ME3: variants seen among roughly 807,000 people sequenced by gnomAD.
ME3 encodes the protein NADP-dependent malic enzyme, mitochondrial.
Under a neutral mutation model 68.9 loss-of-function variants are expected in ME3, and 48 were observed. The observed-to-expected ratio is 0.70, with a 90% CI of 0.55 to 0.89. The LOEUF (loss-of-function observed/expected upper bound fraction) is 0.89, where lower values mean the gene tolerates loss of function less well. Ranked by LOEUF, ME3 falls within the 40% of genes least tolerant of loss-of-function variation. The pLI, the probability that ME3 is intolerant of heterozygous loss-of-function variation, is 0.00. For missense variants in ME3, 675 were observed against 797.4 expected (o/e 0.85, Z 1.85); for synonymous variants, 320 against 318.8 (o/e 1.00, Z -0.04).
At chr11:86,669,359 A>T (rs978199290) in intron 2 of ME3, among the ~76,000 whole-genome samples, 1 of 152,322 alleles carries the variant, frequency 6.6e-6, no homozygotes, top group Admixed American at 6.5e-5. Flanking sequence ...TAACACCTGT[A>T]TTAGTCTGGT....
intron 2 of ME3, among the ~76,000 whole-genome samples, chr11:86,631,004 G>T (rs1943978998): frequency 1.3e-5 from 2 of 152,234 alleles, no homozygotes; most frequent in Non-Finnish European, 1.5e-5. Flanking sequence ...GGACATAAAT[G>T]GGGGAGGACT....
chr11:86,580,178 C>T (rs991279419), intron 2 of ME3, among the ~76,000 whole-genome samples: 4 of 152,164 alleles, frequency 2.6e-5, no homozygotes, highest in African/African-American at 9.7e-5. Context: ...GGAAAGGTCA[C>T]TGGAATTCCT....
chr11:86,598,962 A>G (rs1413198088), intron 2 of ME3, among the ~76,000 whole-genome samples: 2 of 152,226 alleles, frequency 1.3e-5, no homozygotes, highest in African/African-American at 4.8e-5. Flanking sequence ...CATCACCATC[A>G]TCAAAGACAA....
At chr11:86,615,091 G>C (rs979129716) in intron 2 of ME3, among the ~76,000 whole-genome samples, 1 of 152,074 alleles carries the variant, frequency 6.6e-6, no homozygotes, top group Non-Finnish European at 1.5e-5. Context: ...GGTCCTTTTG[G>C]ACATTTTTTT....
chr11:86,487,785 C>T (rs532374873), intron 6 of ME3, among the ~76,000 whole-genome samples: 2 of 152,310 alleles, frequency 1.3e-5, no homozygotes, highest in African/African-American at 4.8e-5. Flanking sequence ...TGGGATAATT[C>T]TTTAACGTGA....
chr11:86,669,133 C>T (rs1256716550), intron 2 of ME3, among the ~76,000 whole-genome samples: 1 of 152,084 alleles, frequency 6.6e-6, no homozygotes, highest in Non-Finnish European at 1.5e-5. Context: ...GGGTGGCACT[C>T]CAGTGGGAAG....
intron 2 of ME3, among the ~76,000 whole-genome samples, chr11:86,656,386 T>C (rs1357745721): frequency 2.0e-5 from 3 of 151,888 alleles, no homozygotes; most frequent in Non-Finnish European, 4.4e-5. Flanking sequence ...TAAGAAAATG[T>C]GGCACATATA....
chr11:86,621,339 T>C (rs593450), intron 2 of ME3, among the ~76,000 whole-genome samples: 152,172 of 152,174 alleles, frequency 1, 76,085 homozygotes, highest in Non-Finnish European at 1. Flanking sequence ...GATTTAAGAA[T>C]AATTAAGGTC....
chr11:86,526,470 G>A (rs989277867), intron 4 of ME3, among the ~76,000 whole-genome samples: 2 of 152,342 alleles, frequency 1.3e-5, no homozygotes, highest in African/African-American at 4.8e-5. Flanking sequence ...AAAGGCAGCA[G>A]AAACCTCTGC....
intron 4 of ME3, among the ~76,000 whole-genome samples, chr11:86,541,238 G>C (rs535912592): frequency 6.6e-6 from 1 of 152,152 alleles, no homozygotes; most frequent in South Asian, 2.1e-4. Flanking sequence ...CAAGCTAGCT[G>C]CAGGTGTTTT....
rs1273783032 is a variant in ME3, at chr11:86,530,778, G to A, written c.468-21911C>T. Reference sequence around the variant, plus strand: ...ATTCCCTATTTAATAAATGGTGCTGGGAAAACTGGCTAGCCATATGTAGAA... The same window carrying A: ...ATTCCCTATTTAATAAATGGTGCTGAGAAAACTGGCTAGCCATATGTAGAA... On this transcript the variant is annotated intron_variant, in intron 4 of 14. Coordinates refer to ENST00000543262, the Ensembl canonical transcript of ME3. Among the ~76,000 whole-genome samples the A allele has an allele frequency of 5.3e-5, 8 of 152,136 alleles. No homozygotes were observed. In the East Asian group the frequency reaches 1.5e-3, roughly 29 times the overall value.
chr11:86,463,550 G>C (rs1166661822), intron 8 of ME3, among the ~76,000 whole-genome samples: 2 of 152,244 alleles, frequency 1.3e-5, no homozygotes, highest in African/African-American at 4.8e-5. Context: ...AACAGGGTAA[G>C]GGGGAGACAG....
At chr11:86,588,627 GA>G (rs1958875607) in intron 2 of ME3, among the ~76,000 whole-genome samples, 1 of 152,186 alleles carries the variant, frequency 6.6e-6, no homozygotes, top group Non-Finnish European at 1.5e-5. Flanking sequence ...GGCTGTGAAG[GA>G]AAAACAGCAG....
chr11:86,671,518 G>T, intron 2 of ME3, among the ~76,000 whole-genome samples: 1 of 152,188 alleles, frequency 6.6e-6, no homozygotes, highest in East Asian at 1.9e-4. Context: ...ATCTAAACCT[G>T]GTCTGTGTTG....
chr11:86,562,865 G>A (rs1326846366), intron 2 of ME3, among the ~76,000 whole-genome samples: 2 of 151,798 alleles, frequency 1.3e-5, no homozygotes, highest in Non-Finnish European at 2.9e-5. Context: ...TTGTTCCCAT[G>A]TTTAAGTCCA....
intron 2 of ME3, among the ~76,000 whole-genome samples, chr11:86,651,046 G>T (rs1472227165): frequency 6.6e-6 from 1 of 152,260 alleles, no homozygotes; most frequent in Non-Finnish European, 1.5e-5. Context: ...GAGGCTGGGG[G>T]AGGGGCACCC....
intron 8 of ME3, among the ~76,000 whole-genome samples, chr11:86,460,952 C>T (rs1288307741): frequency 6.6e-6 from 1 of 152,250 alleles, no homozygotes; most frequent in Non-Finnish European, 1.5e-5. Context: ...CCATCCCTAA[C>T]CAGCTTGTGA....
In ME3 at chr11:86,467,645, TGTCTGTCTCTCTCTGTTTCTC is replaced by T. The variant is rs1950549139; in HGVS notation, c.810-2466_810-2446del. 5.8e-5 allele frequency among the ~76,000 whole-genome samples: 8 copies of T among 138,740 alleles called. No homozygotes were observed. The Admixed American group carries it at 6.1e-4, about 10-fold the overall frequency. The allele number at this position is 138,740 out of a possible 152,430, so 91.0% of individuals were successfully genotyped here. On this transcript the variant is annotated intron_variant, in intron 7 of 14. Coordinates refer to ENST00000543262, the Ensembl canonical transcript of ME3. The stretch of plus-strand genomic sequence containing the variant: ...TGAACGTTTTCTGTCTCTCTCTGTG[TGTCTGTCTCTCTCTGTTTCTC>T]TCTCTCTCTCTCTCTCTCTCTCTCT...
chr11:86,589,036 GA>G (rs905339272), intron 2 of ME3, among the ~76,000 whole-genome samples: 1 of 152,194 alleles, frequency 6.6e-6, no homozygotes, highest in Non-Finnish European at 1.5e-5. Flanking sequence ...GCCCTTAATA[GA>G]AAAGCTTCCT....
Sources: gnomAD v4.1 joint callset for allele counts (sites outside exome capture counted in the v4.1 genomes callset) on GRCh38, gnomAD v4.1.1 for gene constraint, MANE v1.5 for transcripts, NCBI Gene and HGNC (gene_info 2026-07-23, HGNC 2026-07-21) for gene names.